Variants in NDUFAF6 observed in about 807,000 individuals in gnomAD.
NDUFAF6 encodes the protein NADH dehydrogenase (ubiquinone) complex I, assembly factor 6.
Under a neutral mutation model 40.8 loss-of-function variants are expected in NDUFAF6, and 45 were observed. The observed-to-expected ratio is 1.10, with a 90% CI of 0.87 to 1.42. The LOEUF (loss-of-function observed/expected upper bound fraction) is 1.42. Among genes scored for constraint, NDUFAF6 ranks in the 40% most tolerant of loss-of-function variants. NDUFAF6 has a pLI of 0.00. For synonymous variants in NDUFAF6, 185 were observed against 155.9 expected (o/e 1.19, Z -1.39); for missense variants, 435 against 418.5 (o/e 1.04, Z -0.34).
At position 94,908,229 on chromosome 8, in the gene NDUFAF6, T is replaced by C. The variant is rs114075278; in HGVS notation, c.-936+12302T>C. On this transcript the variant is annotated intron_variant, in intron 1 of 14. Transcript: ENST00000396113. ...CAGTAAATAAAAATTCAGTGTCTTATTCACTGAGGTATAGTGCCTAAAACA... is the reference window on the plus strand; with the variant it reads ...CAGTAAATAAAAATTCAGTGTCTTACTCACTGAGGTATAGTGCCTAAAACA... 3.4e-3 allele frequency among the ~76,000 whole-genome samples: 511 copies of C among 152,310 alleles called. 3 individuals carry two copies. Among genetic ancestry groups the C allele is most frequent in the African/African-American group, 0.012 (498 of 41,556 alleles).
intron 3 of NDUFAF6, among the ~76,000 whole-genome samples, chr8:95,037,725 G>C (rs1057322001): frequency 2.0e-5 from 3 of 152,108 alleles, no homozygotes; most frequent in African/African-American, 7.2e-5. Flanking sequence ...ACATCTGAGA[G>C]TCTTAGTTGA....
At chr8:95,025,229 G>C (rs780134504) in intron 1 of NDUFAF6, 24 bp downstream of exon 1, 2 of 1,382,614 alleles carry the variant, frequency 1.4e-6, no homozygotes, top group East Asian at 6.1e-5. Flanking sequence ...ACCTTCCCTG[G>C]CGCGGCGGGA....
At chr8:94,970,032 G>A (rs893718206) in intron 1 of NDUFAF6, among the ~76,000 whole-genome samples, 5 of 152,022 alleles carry the variant, frequency 3.3e-5, no homozygotes, top group East Asian at 1.9e-4. Flanking sequence ...CGAGGCAGGC[G>A]GATCACGAGG....
downstream of NDUFAF6, among the ~76,000 whole-genome samples, chr8:95,077,122 G>A (rs767051841): frequency 4.0e-4 from 61 of 152,222 alleles, no homozygotes; most frequent in South Asian, 2.7e-3. Context: ...GGAGGCCTTC[G>A]AAAAAATCAA....
chr8:95,077,990 A>G (rs1808687285), downstream of NDUFAF6, among the ~76,000 whole-genome samples: 1 of 152,044 alleles, frequency 6.6e-6, no homozygotes, highest in Admixed American at 6.6e-5. Context: ...GCAGGAAAAG[A>G]AGCTGAGAGC....
chr8:95,086,611 T>C (rs918149527), intron 2 of NDUFAF6, among the ~76,000 whole-genome samples: 1 of 150,522 alleles, frequency 6.6e-6, no homozygotes, highest in African/African-American at 2.4e-5. Flanking sequence ...TTCTTTTTTT[T>C]TTTTTTTTCG....
At chr8:94,909,377 A>C (rs905338421) in intron 1 of NDUFAF6, among the ~76,000 whole-genome samples, 1 of 56,136 alleles carries the variant, frequency 1.8e-5, no homozygotes, top group African/African-American at 5.4e-5. Context: ...AAAAAAAAAA[A>C]AAAAACACTT....
chr8:94,906,401 C>G (rs889814377), intron 1 of NDUFAF6, among the ~76,000 whole-genome samples: 2 of 152,202 alleles, frequency 1.3e-5, no homozygotes, highest in African/African-American at 2.4e-5. Flanking sequence ...ATGTATTTCT[C>G]CCGTCTCCCT....
At chr8:95,054,301 C>T (rs1831826031) in intron 8 of NDUFAF6, among the ~76,000 whole-genome samples, 1 of 151,732 alleles carries the variant, frequency 6.6e-6, no homozygotes, top group African/African-American at 2.4e-5. Context: ...TGTCATAGAC[C>T]AATGGTTCCC....
chr8:95,059,961 C>T (rs10108090), downstream of NDUFAF6, among the ~76,000 whole-genome samples: 1,950 of 151,952 alleles, frequency 0.013, 33 homozygotes, highest in African/African-American at 0.044. Flanking sequence ...GGAGCATTGT[C>T]TGCAGGTCTT....
intron 2 of NDUFAF6, chr8:94,949,938 G>A (rs929933582): frequency 6.6e-6 from 1 of 152,344 alleles, no homozygotes; most frequent in African/African-American, 2.4e-5. Context: ...CAGATAGAGG[G>A]GTAGAGGCCG....
intron 1 of NDUFAF6, chr8:94,939,896 C>G: frequency 1.9e-6 from 3 of 1,613,868 alleles, no homozygotes; most frequent in Non-Finnish European, 2.5e-6. Flanking sequence ...ATCAGTCCCA[C>G]GGGTGGCCTC....
At chr8:94,980,736 C>T (rs1182378669) in intron 1 of NDUFAF6, 2 of 269,910 alleles carry the variant, frequency 7.4e-6, no homozygotes, top group Non-Finnish European at 7.6e-6. Flanking sequence ...AGGTGTAAGC[C>T]ACCGTGCTTG....
intron 1 of NDUFAF6, among the ~76,000 whole-genome samples, chr8:94,936,461 G>A (rs957628953): frequency 6.6e-6 from 1 of 152,178 alleles, no homozygotes; most frequent in East Asian, 1.9e-4. Context: ...CAGTTCCAAC[G>A]TGAACAGACA....
intron 2 of NDUFAF6, among the ~76,000 whole-genome samples, chr8:95,102,003 T>G (rs1292260376): frequency 6.6e-6 from 1 of 152,170 alleles, no homozygotes; most frequent in East Asian, 1.9e-4. Flanking sequence ...GTATTTTTTT[T>G]TTTTTATTTT....
Position 94,985,236 on chromosome 8 carries a change from G to A in NDUFAF6, c.-84+4263G>A, listed in dbSNP as rs556073994. Among the ~76,000 whole-genome samples, 4 of 151,842 alleles carry A rather than the reference G, an allele frequency of 2.6e-5. No individual in the cohort carries two copies. The East Asian group carries it at 7.7e-4, about 29-fold the overall frequency. ...GCACTGGAGCTATGGCAGCCATCCT[G>A]TAACCATGAGGAAAAGCTGCTGATG... On this transcript the variant is annotated intron_variant, in intron 2 of 9. Coordinates refer to the NDUFAF6 transcript ENST00000396111.
At chr8:94,994,368 T>C (rs1486412637) in intron 2 of NDUFAF6, among the ~76,000 whole-genome samples, 1 of 151,572 alleles carries the variant, frequency 6.6e-6, no homozygotes, top group Admixed American at 6.6e-5. Context: ...CTGGCCAACA[T>C]GGTGAAACCC....
At chr8:95,013,356 A>G (rs572204481) in intron 2 of NDUFAF6, among the ~76,000 whole-genome samples, 6 of 152,228 alleles carry the variant, frequency 3.9e-5, no homozygotes, top group African/African-American at 4.8e-5. Context: ...TCCTCCCACC[A>G]TGGCCTCCCA....
At chr8:94,949,697 G>GAAGA (rs1041327513) in intron 2 of NDUFAF6, among the ~76,000 whole-genome samples, 3 of 152,180 alleles carry the variant, frequency 2.0e-5, no homozygotes, top group Non-Finnish European at 4.4e-5. Flanking sequence ...GGCGGGCGAG[G>GAAGA]AAGAACCGGC....
Sources: gnomAD v4.1 joint callset for allele counts (sites outside exome capture counted in the v4.1 genomes callset) on GRCh38, gnomAD v4.1.1 for gene constraint, MANE v1.5 for transcripts, NCBI Gene and HGNC (gene_info 2026-07-23, HGNC 2026-07-21) for gene names.